TXK: variants seen among roughly 807,000 people sequenced by gnomAD.
TXK encodes the protein TXK tyrosine kinase, also known as tyrosine-protein kinase TXK.
Under a neutral mutation model 81.0 loss-of-function variants are expected in TXK, and 60 were observed. That is an observed-to-expected ratio of 0.74 (90% CI 0.60 to 0.92). The LOEUF (loss-of-function observed/expected upper bound fraction) is 0.92, where lower values mean the gene tolerates loss of function less well. Among genes scored for constraint, TXK ranks in the 40% least tolerant of loss-of-function variants. The pLI is 0.00. For missense variants in TXK, 581 were observed against 638.3 expected (o/e 0.91, Z 0.97); for synonymous variants, 203 against 210.7 (o/e 0.96, Z 0.32).
At chr4:48,089,726 C>T in intron 9 of TXK, 24 bp downstream of exon 9, 1 of 1,600,730 alleles carries the variant, frequency 6.2e-7, no homozygotes, top group South Asian at 1.1e-5. Context: ...TGCTATTTTA[C>T]TTCAGCATGT....
At chr4:48,117,496 G>A (rs1718844509) in intron 1 of TXK, among the ~76,000 whole-genome samples, 2 of 152,120 alleles carry the variant, frequency 1.3e-5, no homozygotes, top group Non-Finnish European at 1.5e-5. Context: ...ACCCCCTTCA[G>A]GGCCTATAAA....
chr4:48,071,411 T>C, intron 14 of TXK, 106 bp downstream of exon 14: 1 of 1,107,516 alleles, frequency 9.0e-7, no homozygotes, highest in Non-Finnish European at 1.3e-6. Context: ...AAGACACAGA[T>C]GCCTTTTCCT....
chr4:48,133,354 T>C (rs1322993927), intron 1 of TXK, among the ~76,000 whole-genome samples: 1 of 152,208 alleles, frequency 6.6e-6, no homozygotes. Flanking sequence ...CACTTATTTT[T>C]AATGATGGTC....
intron 1 of TXK, among the ~76,000 whole-genome samples, chr4:48,129,175 T>A (rs771563549): frequency 2.0e-5 from 3 of 152,172 alleles, no homozygotes; most frequent in Admixed American, 2.0e-4. Context: ...CCTTTATACA[T>A]TTGGGGTCTG....
chr4:48,069,295 C>G (rs1218844435), intron 14 of TXK, among the ~76,000 whole-genome samples: 1 of 150,844 alleles, frequency 6.6e-6, no homozygotes, highest in Non-Finnish European at 1.5e-5. Context: ...GAGCAAGACT[C>G]TGTCTCAAAA....
intron 6 of TXK, among the ~76,000 whole-genome samples, chr4:48,102,010 G>T (rs1468545694): frequency 6.6e-6 from 1 of 151,068 alleles, no homozygotes; most frequent in Non-Finnish European, 1.5e-5. Context: ...ATGGAGTCTC[G>T]CTCTGTCACC....
intron 6 of TXK, among the ~76,000 whole-genome samples, chr4:48,098,590 C>T (rs1426782927): frequency 1.3e-5 from 2 of 151,392 alleles, no homozygotes. Flanking sequence ...TGCGTGTGTA[C>T]TTCCTTAACA....
intron 6 of TXK, among the ~76,000 whole-genome samples, chr4:48,098,947 C>A (rs1718084002): frequency 6.6e-6 from 1 of 150,960 alleles, no homozygotes. Context: ...AACATACAAA[C>A]AAAAAAAAAA....
At chr4:48,115,446 GATAAACT>G (rs1246901569) in intron 1 of TXK, among the ~76,000 whole-genome samples, 3 of 152,130 alleles carry the variant, frequency 2.0e-5, no homozygotes, top group African/African-American at 7.2e-5. Context: ...TAAGCTTAAA[GATAAACT>G]GAATATTTGA....
intron 10 of TXK, among the ~76,000 whole-genome samples, chr4:48,083,267 G>C (rs1717380738): frequency 1.3e-5 from 2 of 152,178 alleles, no homozygotes; most frequent in Non-Finnish European, 2.9e-5. Flanking sequence ...TCCTGTAAAA[G>C]GTCATAGTGG....
chr4:48,127,282 G>GCA (rs1719113738), intron 1 of TXK, among the ~76,000 whole-genome samples: 2 of 152,232 alleles, frequency 1.3e-5, no homozygotes, highest in African/African-American at 4.8e-5. Context: ...TTTATTTACA[G>GCA]GTTGAAGTGT....
chr4:48,085,549 A>T (rs1717489021), intron 10 of TXK, among the ~76,000 whole-genome samples: 1 of 152,162 alleles, frequency 6.6e-6, no homozygotes, highest in Admixed American at 6.5e-5. Flanking sequence ...CAAGCCTGGA[A>T]ACCTGCTGCC....
chr4:48,120,595 A>G (rs544913000), intron 1 of TXK, among the ~76,000 whole-genome samples: 4 of 151,890 alleles, frequency 2.6e-5, no homozygotes, highest in Admixed American at 2.0e-4. Context: ...GGTTCAAGCA[A>G]TTCTCCTGCC....
At chr4:48,103,417 G>A (rs1577669969) in intron 6 of TXK, among the ~76,000 whole-genome samples, 4 of 152,290 alleles carry the variant, frequency 2.6e-5, no homozygotes, top group Non-Finnish European at 5.9e-5. Context: ...AGCAAGTGAG[G>A]CCTGTCCAAC....
At chr4:48,121,247 G>A (rs1023095912) in intron 1 of TXK, among the ~76,000 whole-genome samples, 2 of 152,308 alleles carry the variant, frequency 1.3e-5, no homozygotes, top group Non-Finnish European at 1.5e-5. Context: ...CCACTTGGAT[G>A]TCTAGTAGAT....
intron 10 of TXK, among the ~76,000 whole-genome samples, chr4:48,085,828 C>T (rs914372259): frequency 1.3e-5 from 2 of 152,142 alleles, no homozygotes; most frequent in Admixed American, 1.3e-4. Context: ...TCCAGCTCCC[C>T]ATGCATCCCG....
At chr4:48,120,281 ATATG>A (rs1718921639) in intron 1 of TXK, among the ~76,000 whole-genome samples, 1 of 149,206 alleles carries the variant, frequency 6.7e-6, no homozygotes, top group Non-Finnish European at 1.5e-5. Context: ...ATATACGTAT[ATATG>A]TATATATATG....
chr4:48,084,923 C>CGAGAATGGGTCCAGTT (rs1234656236), intron 10 of TXK, among the ~76,000 whole-genome samples: 282 of 150,334 alleles, frequency 1.9e-3, no homozygotes, highest in Non-Finnish European at 2.5e-3. Context: ...TCCAGTTAAT[C>CGAGAATGGGTCCAGTT]ACCTCTGATT....
At chr4:48,068,532 T>A (rs1397899535) in intron 14 of TXK, among the ~76,000 whole-genome samples, 11 of 152,218 alleles carry the variant, frequency 7.2e-5, no homozygotes, top group Admixed American at 7.2e-4. Context: ...ATTCTTACAT[T>A]TTAAAAAGTT....
Sources: allele counts gnomAD v4.1 joint callset (sites outside exome capture counted in the v4.1 genomes callset), GRCh38; gene constraint gnomAD v4.1.1; transcripts MANE v1.5; gene names NCBI Gene and HGNC (gene_info 2026-07-23, HGNC 2026-07-21).